SLC35F3: variants seen among roughly 807,000 people sequenced by gnomAD.
SLC35F3 encodes the protein putative thiamine transporter SLC35F3.
In SLC35F3, 25 loss-of-function variants were observed where a neutral mutation model predicts 49.9. The observed-to-expected ratio is 0.50, with a 90% CI of 0.37 to 0.70. The LOEUF (loss-of-function observed/expected upper bound fraction) is 0.70, where lower values mean the gene tolerates loss of function less well. Among genes scored for constraint, SLC35F3 ranks in the 30% least tolerant of loss-of-function variants. The pLI is 0.00. For synonymous variants in SLC35F3, 275 were observed against 265.4 expected (o/e 1.04, Z -0.35); for missense variants, 525 against 639.8 (o/e 0.82, Z 1.94).
At chr1:234,216,065 C>T (rs921447468) in intron 2 of SLC35F3, among the ~76,000 whole-genome samples, 3 of 150,980 alleles carry the variant, frequency 2.0e-5, no homozygotes, top group African/African-American at 7.3e-5. Flanking sequence ...TGATATCAGC[C>T]ATCTACACCT....
At chr1:234,273,761 G>C (rs1210382140) in intron 3 of SLC35F3, among the ~76,000 whole-genome samples, 1 of 152,126 alleles carries the variant, frequency 6.6e-6, no homozygotes, top group African/African-American at 2.4e-5. Flanking sequence ...GGACTTGATG[G>C]AGGATTCATG....
At chr1:233,909,998 C>T (rs1302950196) in intron 2 of SLC35F3, among the ~76,000 whole-genome samples, 1 of 152,246 alleles carries the variant, frequency 6.6e-6, no homozygotes, top group Non-Finnish European at 1.5e-5. Flanking sequence ...ATCATCACCA[C>T]TGGCAGTGCA....
intron 3 of SLC35F3, among the ~76,000 whole-genome samples, chr1:234,275,040 T>G (rs1400461081): frequency 6.6e-6 from 1 of 152,194 alleles, no homozygotes; most frequent in Non-Finnish European, 1.5e-5. Context: ...CCACAACCCT[T>G]CTGAAAGCCT....
At chr1:234,298,405 A>G (rs1668638588) in intron 3 of SLC35F3, among the ~76,000 whole-genome samples, 1 of 152,254 alleles carries the variant, frequency 6.6e-6, no homozygotes, top group Non-Finnish European at 1.5e-5. Context: ...GCAAGAAAAT[A>G]ACATGGTCTG....
intron 3 of SLC35F3, among the ~76,000 whole-genome samples, chr1:234,251,464 C>CAA (rs56891961): frequency 8.1e-6 from 1 of 123,824 alleles, no homozygotes; most frequent in Non-Finnish European, 1.7e-5. Flanking sequence ...CAAACTAAAC[C>CAA]AAAAAAAAAA....
At chr1:233,953,058 G>T (rs1176037328) in intron 2 of SLC35F3, among the ~76,000 whole-genome samples, 1 of 152,142 alleles carries the variant, frequency 6.6e-6, no homozygotes, top group Non-Finnish European at 1.5e-5. Context: ...TGTGAAAAAA[G>T]AGCTTGAGAC....
chr1:234,194,952 A>G (rs1666785998), intron 2 of SLC35F3, among the ~76,000 whole-genome samples: 1 of 152,154 alleles, frequency 6.6e-6, no homozygotes, highest in Non-Finnish European at 1.5e-5. Context: ...AAGAGCATAT[A>G]TTTTGGGAGC....
intron 3 of SLC35F3, among the ~76,000 whole-genome samples, chr1:234,291,227 G>A (rs1668502569): frequency 6.6e-6 from 1 of 152,218 alleles, no homozygotes; most frequent in Non-Finnish European, 1.5e-5. Flanking sequence ...TGCTAGAGCA[G>A]TGCTTATCAA....
intron 2 of SLC35F3, among the ~76,000 whole-genome samples, chr1:233,993,850 G>A (rs146669666): frequency 8.2e-4 from 125 of 152,244 alleles, no homozygotes; most frequent in Non-Finnish European, 1.6e-3. Flanking sequence ...TCAAAACCAT[G>A]GTCCCTAATT....
intron 2 of SLC35F3, among the ~76,000 whole-genome samples, chr1:234,099,662 T>A (rs1481865809): frequency 6.6e-6 from 1 of 151,518 alleles, no homozygotes; most frequent in African/African-American, 2.4e-5. Flanking sequence ...TACTGCATCT[T>A]AGTCAAGGAG....
chr1:234,140,768 G>C (rs1215055352), intron 2 of SLC35F3, among the ~76,000 whole-genome samples: 1 of 152,096 alleles, frequency 6.6e-6, no homozygotes, highest in Non-Finnish European at 1.5e-5. Flanking sequence ...GGCAAGCTAC[G>C]GAACCTCCTT....
intron 3 of SLC35F3, among the ~76,000 whole-genome samples, chr1:234,287,219 A>T (rs486290): frequency 0.68 from 103,965 of 151,918 alleles, 35,794 homozygotes; most frequent in East Asian, 0.78. Context: ...ATAAAAATTT[A>T]AAAAGCAACT....
chr1:234,267,601 C>G (rs1466580833), intron 3 of SLC35F3, among the ~76,000 whole-genome samples: 1 of 150,954 alleles, frequency 6.6e-6, no homozygotes, highest in Non-Finnish European at 1.5e-5. Context: ...GCACCCCTCA[C>G]CTCCTGGATG....
chr1:234,064,395 A>G (rs1436415259), intron 2 of SLC35F3, among the ~76,000 whole-genome samples: 1 of 152,188 alleles, frequency 6.6e-6, no homozygotes, highest in Non-Finnish European at 1.5e-5. Flanking sequence ...TCATTTATTT[A>G]TCAGGGTTAT....
intron 2 of SLC35F3, among the ~76,000 whole-genome samples, chr1:234,187,404 G>C (rs1236557126): frequency 6.6e-6 from 1 of 152,206 alleles, no homozygotes; most frequent in Non-Finnish European, 1.5e-5. Context: ...TGGCGGACAG[G>C]AGGCAGGACT....
intron 2 of SLC35F3, among the ~76,000 whole-genome samples, chr1:233,966,518 G>C (rs1370373118): frequency 6.6e-6 from 1 of 152,152 alleles, no homozygotes; most frequent in Non-Finnish European, 1.5e-5. Context: ...ACCCTAATCA[G>C]ACCTAATCTG....
chr1:233,927,608 A>C (rs1662180477), intron 2 of SLC35F3, among the ~76,000 whole-genome samples: 1 of 152,102 alleles, frequency 6.6e-6, no homozygotes, highest in Admixed American at 6.5e-5. Context: ...TGAAGTACTA[A>C]TAAAAACTGA....
intron 3 of SLC35F3, among the ~76,000 whole-genome samples, chr1:234,267,645 A>C (rs1166310163): frequency 1.4e-5 from 2 of 143,226 alleles, no homozygotes; most frequent in Non-Finnish European, 3.0e-5. Context: ...TGACCCCCCC[A>C]CCTCCCTCCC....
intron 2 of SLC35F3, among the ~76,000 whole-genome samples, chr1:233,994,022 G>A (rs79389659): frequency 1.3e-5 from 2 of 152,126 alleles, no homozygotes; most frequent in Non-Finnish European, 2.9e-5. Context: ...TATAGCCATG[G>A]GGGAAAGGTA....
Sources: allele counts gnomAD v4.1 joint callset (sites outside exome capture counted in the v4.1 genomes callset), GRCh38; gene constraint gnomAD v4.1.1; transcripts MANE v1.5; gene names NCBI Gene and HGNC (gene_info 2026-07-23, HGNC 2026-07-21).